Variants in ZSWIM6 observed in about 807,000 individuals in gnomAD.
The protein encoded by ZSWIM6 is zinc finger SWIM-type containing 6.
A neutral mutation model predicts 113.2 loss-of-function variants in ZSWIM6; 9 were observed. That is an observed-to-expected ratio of 0.08 (90% CI 0.05 to 0.14). The LOEUF (loss-of-function observed/expected upper bound fraction) is 0.14. Among genes scored for constraint, ZSWIM6 ranks in the 10% least tolerant of loss-of-function variants. The pLI is 1.00. For missense variants in ZSWIM6, 1,162 were observed against 1,552.2 expected (o/e 0.75, Z 4.22); for synonymous variants, 611 against 606.5 (o/e 1.01, Z -0.11).
intron 1 of ZSWIM6, among the ~76,000 whole-genome samples, chr5:61,462,141 A>G (rs1203631353): frequency 6.6e-6 from 1 of 152,194 alleles, no homozygotes; most frequent in Non-Finnish European, 1.5e-5. Context: ...GTCAGGCTAT[A>G]AATTAGTGAA....
chr5:61,513,226 T>C (rs970747289), intron 4 of ZSWIM6, among the ~76,000 whole-genome samples: 1 of 152,148 alleles, frequency 6.6e-6, no homozygotes, highest in Admixed American at 6.6e-5. Flanking sequence ...TATTATAGTA[T>C]GTAGCCTTTT....
chr5:61,372,468 C>T (rs1745287151), intron 1 of ZSWIM6, among the ~76,000 whole-genome samples: 1 of 152,196 alleles, frequency 6.6e-6, no homozygotes, highest in Non-Finnish European at 1.5e-5. Context: ...CTCAGTAGCA[C>T]TGAACACAGC....
intron 1 of ZSWIM6, among the ~76,000 whole-genome samples, chr5:61,419,048 C>G (rs1746306789): frequency 2.0e-5 from 3 of 152,216 alleles, no homozygotes. Context: ...TCTTGAACTC[C>G]TGACTTCAGG....
chr5:61,532,464 A>G (rs1436338202), intron 9 of ZSWIM6, among the ~76,000 whole-genome samples: 1 of 152,090 alleles, frequency 6.6e-6, no homozygotes, highest in Non-Finnish European at 1.5e-5. Flanking sequence ...CTGTCTCTCA[A>G]GTATATGTGT....
At chr5:61,403,109 C>A (rs1224188184) in intron 1 of ZSWIM6, among the ~76,000 whole-genome samples, 1 of 152,230 alleles carries the variant, frequency 6.6e-6, no homozygotes, top group Non-Finnish European at 1.5e-5. Flanking sequence ...CAAGTTTACA[C>A]ATCTGATTTA....
At chr5:61,383,839 ACCTGG>A in intron 1 of ZSWIM6, among the ~76,000 whole-genome samples, 1 of 151,166 alleles carries the variant, frequency 6.6e-6, no homozygotes, top group South Asian at 2.1e-4. Context: ...GAGCCATCAC[ACCTGG>A]CCAGAACTTT....
intron 1 of ZSWIM6, among the ~76,000 whole-genome samples, chr5:61,429,206 G>A (rs1262061885): frequency 6.6e-6 from 1 of 152,234 alleles, no homozygotes; most frequent in African/African-American, 2.4e-5. Flanking sequence ...CTCCCCTACA[G>A]GGGGTAGGGT....
chr5:61,415,024 A>G (rs1746218321), intron 1 of ZSWIM6, among the ~76,000 whole-genome samples: 1 of 152,188 alleles, frequency 6.6e-6, no homozygotes, highest in Non-Finnish European at 1.5e-5. Context: ...CGGGGAGGTT[A>G]GTACTTGCTC....
At chr5:61,480,630 C>T (rs1747830200) in intron 2 of ZSWIM6, among the ~76,000 whole-genome samples, 1 of 152,168 alleles carries the variant, frequency 6.6e-6, no homozygotes, top group Non-Finnish European at 1.5e-5. Context: ...TTACTTACCC[C>T]TTTGAAAGGA....
At chr5:61,333,182 G>T (rs1023829506) in intron 1 of ZSWIM6, among the ~76,000 whole-genome samples, 160 of 152,030 alleles carry the variant, frequency 1.1e-3, no homozygotes, top group African/African-American at 3.8e-3. Flanking sequence ...TCAGCAGGAC[G>T]CGCCCCTCCG....
intron 1 of ZSWIM6, among the ~76,000 whole-genome samples, chr5:61,378,444 A>G (rs1179639457): frequency 6.6e-6 from 1 of 152,268 alleles, no homozygotes; most frequent in Non-Finnish European, 1.5e-5. Flanking sequence ...AGAAATATTT[A>G]TATGTTGCTT....
At chr5:61,506,427 G>C (rs986254799) in intron 4 of ZSWIM6, among the ~76,000 whole-genome samples, 3 of 151,872 alleles carry the variant, frequency 2.0e-5, no homozygotes, top group Admixed American at 6.6e-5. Context: ...TACTGAAAAT[G>C]CAAAAGTTAG....
intron 1 of ZSWIM6, among the ~76,000 whole-genome samples, chr5:61,362,303 A>G (rs554272335): frequency 1.3e-5 from 2 of 152,048 alleles, no homozygotes; most frequent in South Asian, 4.2e-4. Flanking sequence ...GATTCAAGCA[A>G]TTCTCGTGCC....
chr5:61,453,416 C>G (rs1747128038), intron 1 of ZSWIM6, among the ~76,000 whole-genome samples: 1 of 149,418 alleles, frequency 6.7e-6, no homozygotes, highest in African/African-American at 2.5e-5. Flanking sequence ...TACTCTGTCA[C>G]CTAGTTTGGG....
chr5:61,536,822 T>C (rs183646696), intron 10 of ZSWIM6, among the ~76,000 whole-genome samples: 50 of 152,338 alleles, frequency 3.3e-4, no homozygotes, highest in African/African-American at 1.2e-3. Context: ...TGCTGGAGAA[T>C]CTTCTTAAGT....
intron 1 of ZSWIM6, among the ~76,000 whole-genome samples, chr5:61,390,102 G>A (rs543573934): frequency 5.3e-4 from 80 of 152,136 alleles, no homozygotes; most frequent in Non-Finnish European, 9.9e-4. Flanking sequence ...CTGCCTATCT[G>A]CCTGCCAGCC....
chr5:61,509,220 G>T (rs1269274570), intron 4 of ZSWIM6, among the ~76,000 whole-genome samples: 1 of 152,100 alleles, frequency 6.6e-6, no homozygotes, highest in Non-Finnish European at 1.5e-5. Flanking sequence ...TATTTCATTT[G>T]CAGTAATTCA....
rs929960586 is a variant in ZSWIM6 at position 61,526,024 on chromosome 5, T to C, written c.1690+48T>C. On this transcript the variant is annotated intron_variant, in intron 6 of 13. Transcript: ENST00000252744. ...CATTTCCATGACTTACTTCTTTGTT[T>C]AGTTTCTATAGCATTACTGGAATGG... 11 of 1,542,254 alleles carry C rather than the reference T, an allele frequency of 7.1e-6. No individual in the cohort carries two copies. The African/African-American group carries it at 1.2e-4, about 17-fold the overall frequency.
intron 1 of ZSWIM6, among the ~76,000 whole-genome samples, chr5:61,336,370 TA>T (rs201812515): frequency 8.6e-5 from 13 of 150,440 alleles, no homozygotes; most frequent in Non-Finnish European, 1.0e-4. Flanking sequence ...AGAAGTTACA[TA>T]AAAAAAAAAT....
Sources: allele counts gnomAD v4.1 joint callset (sites outside exome capture counted in the v4.1 genomes callset), GRCh38; gene constraint gnomAD v4.1.1; transcripts MANE v1.5; gene names NCBI Gene and HGNC (gene_info 2026-07-23, HGNC 2026-07-21).